AFAP1L2: variants seen among roughly 807,000 people sequenced by gnomAD.
AFAP1L2 encodes the protein actin filament associated protein 1 like 2.
Under a neutral mutation model 99.3 loss-of-function variants are expected in AFAP1L2, and 46 were observed. The observed-to-expected ratio is 0.46, with a 90% confidence interval of 0.37 to 0.59. AFAP1L2 has a LOEUF of 0.59. Among genes scored for constraint, AFAP1L2 ranks in the 20% least tolerant of loss-of-function variants. AFAP1L2 has a pLI of 0.00. For synonymous variants in AFAP1L2, 397 were observed against 419.1 expected (o/e 0.95, Z 0.64); for missense variants, 959 against 1,034.9 (o/e 0.93, Z 1.01).
At chr10:114,394,152 G>A (rs140260398) in intron 1 of AFAP1L2, among the ~76,000 whole-genome samples, 297 of 152,242 alleles carry the variant, frequency 2.0e-3, no homozygotes, top group African/African-American at 6.7e-3. Flanking sequence ...GGGGACGACC[G>A]GCAAAGCCCC....
intron 1 of AFAP1L2, among the ~76,000 whole-genome samples, chr10:114,350,919 A>G (rs1255076902): frequency 6.6e-6 from 1 of 152,202 alleles, no homozygotes; most frequent in African/African-American, 2.4e-5. Flanking sequence ...GGGTCCCGGG[A>G]GGCCTTTGTT....
At chr10:114,366,703 C>G (rs551662919) in intron 1 of AFAP1L2, among the ~76,000 whole-genome samples, 1 of 152,268 alleles carries the variant, frequency 6.6e-6, no homozygotes, top group African/African-American at 2.4e-5. Flanking sequence ...CGCGGTGGCT[C>G]ACGCCTGTAA....
At chr10:114,325,985 G>A (rs66638979) in intron 4 of AFAP1L2, 1 of 1,288,822 alleles carries the variant, frequency 7.8e-7, no homozygotes, top group African/African-American at 1.5e-5. Context: ...CGTCAGGTGG[G>A]TCCCATCTGG....
chr10:114,354,122 A>C (rs2050955492), intron 1 of AFAP1L2, among the ~76,000 whole-genome samples: 1 of 152,194 alleles, frequency 6.6e-6, no homozygotes, highest in African/African-American at 2.4e-5. Flanking sequence ...GCCAGAACCT[A>C]GAGGCCAAAA....
At position 114,324,712 on chromosome 10, in the gene AFAP1L2, G is replaced by A. The variant is rs1246158671; in HGVS notation, c.316-1451C>T. ...GCCTGGGCCTTCAAGGAGGCTCCAC[G>A]TGAAAGCACAGGCAGGCTGTGAGGT... On this transcript the variant is annotated intron_variant, in intron 4 of 18. Coordinates refer to ENST00000304129, the MANE Select transcript of AFAP1L2 (RefSeq NM_001001936.3). Among the ~76,000 whole-genome samples, 7 of 152,382 alleles carry A rather than the reference G, an allele frequency of 4.6e-5. No individual in the cohort carries two copies. The East Asian group carries it at 9.6e-4, about 21-fold the overall frequency.
chr10:114,389,665 A>C lies in AFAP1L2; in HGVS notation c.16+14775T>G, dbSNP rs542994088. Among the ~76,000 whole-genome samples the C allele has an allele frequency of 5.2e-4, 79 of 152,324 alleles. 1 individual carries two copies. The highest frequency in any genetic ancestry group is 1.8e-3 in the African/African-American group (75 of 41,574). ...TATGAAAAGCCAGCCCTACCACCCCAGGCTTATTCATGCATCTCCCCCGTT... is the reference window on the plus strand; with the variant it reads ...TATGAAAAGCCAGCCCTACCACCCCCGGCTTATTCATGCATCTCCCCCGTT... On this transcript the variant is annotated intron_variant, in intron 1 of 18. Transcript: ENST00000304129.
intron 2 of AFAP1L2, 111 bp downstream of exon 2, chr10:114,340,490 TAA>T (rs1324252949): frequency 7.2e-7 from 1 of 1,387,858 alleles, no homozygotes. Context: ...TGTGAGAAAA[TAA>T]GTGTCATTTA....
intron 1 of AFAP1L2, among the ~76,000 whole-genome samples, chr10:114,383,749 C>T (rs2056059827): frequency 6.6e-6 from 1 of 152,134 alleles, no homozygotes; most frequent in East Asian, 1.9e-4. Flanking sequence ...ACATTGGGTC[C>T]AACCAACTTG....
chr10:114,340,065 T>A (rs1400259169), intron 2 of AFAP1L2, among the ~76,000 whole-genome samples: 1 of 144,998 alleles, frequency 6.9e-6, no homozygotes, highest in Non-Finnish European at 1.5e-5. Context: ...GCATGGTGGC[T>A]CACGCCTGTA....
rs774344596 is a variant in AFAP1L2 at position 114,307,842 on chromosome 10, G to C, written c.1035C>G (p.Thr345=). The C allele has an allele frequency of 6.2e-7, 1 of 1,614,122 alleles. No individual in the cohort carries two copies. Among genetic ancestry groups the C allele is most frequent in the Non-Finnish European group, 8.5e-7 (1 of 1,180,024 alleles). Reference sequence around the variant, plus strand: ...GGGACCTCTCCACAGGCTCCAGTGAGGTGGATTTCTTCCTGCCCAGATTCA... The same window carrying C: ...GGGACCTCTCCACAGGCTCCAGTGACGTGGATTTCTTCCTGCCCAGATTCA... ...NLMNLGRKKS[T]SLEPVERSLE... Residue 345 remains threonine, a synonymous_variant, in exon 10 of 19, where the codon ACC becomes ACG. Coordinates refer to ENST00000304129, the MANE Select transcript of AFAP1L2 (RefSeq NM_001001936.3).
At chr10:114,321,852 T>C (rs2045399357) in intron 5 of AFAP1L2, among the ~76,000 whole-genome samples, 1 of 152,216 alleles carries the variant, frequency 6.6e-6, no homozygotes, top group Non-Finnish European at 1.5e-5. Context: ...GCATGAGCCC[T>C]GCCTACAGAG....
chr10:114,356,570 T>C (rs1405898986), intron 1 of AFAP1L2, among the ~76,000 whole-genome samples: 3 of 152,268 alleles, frequency 2.0e-5, no homozygotes, highest in African/African-American at 7.2e-5. Flanking sequence ...AAATTACATA[T>C]GTGTTTTAAA....
Position 114,296,062 on chromosome 10 carries a change from C to T in AFAP1L2, c.2437G>A (p.Glu813Lys). Reference sequence around the variant, plus strand: ...GTTTTCTAACTTGCTCCTTTCTTCTCCCATTCCTAGGGTACCATTCAAATA... The same window carrying T: ...GTTTTCTAACTTGCTCCTTTCTTCTTCCATTCCTAGGGTACCATTCAAATA... ...GTVLQKAKEW[E>K]KKGAS is the part of the protein sequence containing the mutation. The change falls in exon 19 of 19, where the codon GAG (glutamate) becomes AAG (lysine). Residue 813 changes from glutamate (E) to lysine (K), a missense_variant. Around this residue, in one of 2 missense-constraint regions of AFAP1L2, gnomAD observed 576 missense variants for 562.1 expected, o/e 1.02. Transcript: ENST00000304129. 1 of 1,614,164 alleles carries T rather than the reference C, an allele frequency of 6.2e-7. No homozygotes were observed. The highest frequency in any genetic ancestry group is 8.5e-7 in the Non-Finnish European group (1 of 1,180,008).
intron 3 of AFAP1L2, among the ~76,000 whole-genome samples, chr10:114,332,975 G>C (rs1014784623): frequency 1.3e-5 from 2 of 152,208 alleles, no homozygotes; most frequent in African/African-American, 4.8e-5. Context: ...GATGATGCTG[G>C]GAACAGCCAA....
At chr10:114,347,460 T>C (rs969177607) in intron 1 of AFAP1L2, among the ~76,000 whole-genome samples, 1 of 152,192 alleles carries the variant, frequency 6.6e-6, no homozygotes, top group Non-Finnish European at 1.5e-5. Flanking sequence ...GGGATTTTTT[T>C]CTTATTTTTA....
At chr10:114,396,149 G>T in intron 1 of AFAP1L2, among the ~76,000 whole-genome samples, 1 of 152,078 alleles carries the variant, frequency 6.6e-6, no homozygotes, top group East Asian at 1.9e-4. Context: ...GGTTGAACAT[G>T]ACCTCAGCCC....
intron 1 of AFAP1L2, among the ~76,000 whole-genome samples, chr10:114,363,366 A>G (rs559130149): frequency 3.3e-4 from 50 of 152,148 alleles, no homozygotes; most frequent in Middle Eastern, 3.4e-3. Context: ...CATTCTTGAG[A>G]GCTAGTCCGC....
At chr10:114,364,275 G>T (rs1441487002) in intron 1 of AFAP1L2, among the ~76,000 whole-genome samples, 3 of 152,196 alleles carry the variant, frequency 2.0e-5, no homozygotes, top group Non-Finnish European at 4.4e-5. Context: ...CCATGGCCCA[G>T]GACTGACGCA....
rs1000982269 is a variant in AFAP1L2, at chr10:114,329,201, G to T, written c.315+2602C>A. 2.0e-5 allele frequency among the ~76,000 whole-genome samples: 3 copies of T among 152,232 alleles called. No homozygotes were observed. In the South Asian group the frequency reaches 6.2e-4, roughly 32 times the overall value. On this transcript the variant is annotated intron_variant, in intron 4 of 18. Coordinates refer to ENST00000304129, the MANE Select transcript of AFAP1L2 (RefSeq NM_001001936.3). Reference sequence around the variant, plus strand: ...GCCCTAGTCACAGACGACAATCCAGGAAGTCTACTTCAGAGGGGGCCACGC... The same window carrying T: ...GCCCTAGTCACAGACGACAATCCAGTAAGTCTACTTCAGAGGGGGCCACGC...
Sources: allele counts gnomAD v4.1 joint callset (sites outside exome capture counted in the v4.1 genomes callset), GRCh38; gene constraint gnomAD v4.1.1; regional missense constraint gnomAD v4.1.1; transcripts MANE v1.5; gene names NCBI Gene and HGNC (gene_info 2026-07-23, HGNC 2026-07-21).